CCDC13: variants seen among roughly 807,000 people sequenced by gnomAD.
The protein encoded by CCDC13 is coiled-coil domain containing 13.
Under a neutral mutation model 87.3 loss-of-function variants are expected in CCDC13, and 70 were observed. The ratio of observed to expected loss-of-function variants is 0.80; its 90% CI spans 0.66 to 0.98. The LOEUF is 0.98. Ranked by LOEUF, CCDC13 falls within the 50% of genes least tolerant of loss-of-function variation. The pLI, the probability that CCDC13 is intolerant of heterozygous loss-of-function variation, is 0.00. For synonymous variants in CCDC13, 317 were observed against 360.3 expected (o/e 0.88, Z 1.36); for missense variants, 842 against 892.0 (o/e 0.94, Z 0.71).
At chr3:42,768,765 G>C (rs1269852034) in intron 1 of CCDC13, among the ~76,000 whole-genome samples, 1 of 152,094 alleles carries the variant, frequency 6.6e-6, no homozygotes, top group Non-Finnish European at 1.5e-5. Context: ...AAACCTGCCA[G>C]ACACATATTT....
chr3:42,712,246 C>A (rs1054242767), intron 14 of CCDC13, among the ~76,000 whole-genome samples: 5 of 151,928 alleles, frequency 3.3e-5, no homozygotes, highest in Admixed American at 3.3e-4. Flanking sequence ...GTGGGGGCAG[C>A]AGCACCTCCA....
At position 42,706,540 on chromosome 3, in the gene CCDC13, C is replaced by T. The variant is rs1698184916; in HGVS notation, c.*2440G>A. 1.3e-5 allele frequency: 2 copies of T among 152,332 alleles called. No homozygotes were observed. Among genetic ancestry groups the T allele is most frequent in the African/African-American group, 4.8e-5 (2 of 41,558 alleles). The allele number at this position is 152,332 out of a possible 1,614,324, so 9.4% of individuals were successfully genotyped here. ...TGACAGGCACTCCCGCACATGGCACCACAGCAATGCTGTCAAGGTTGCCCG... is the reference window on the plus strand; with the variant it reads ...TGACAGGCACTCCCGCACATGGCACTACAGCAATGCTGTCAAGGTTGCCCG... On this transcript the variant is annotated 3_prime_UTR_variant, in exon 16 of 16. Transcript: ENST00000310232.
chr3:42,713,452 A>G, intron 13 of CCDC13, 136 bp from the exon 14 acceptor site: 1 of 813,988 alleles, frequency 1.2e-6, no homozygotes. Flanking sequence ...CATTGCAGTA[A>G]CACAGGAACA....
At chr3:42,751,799 A>T in intron 5 of CCDC13, 137 bp downstream of exon 5, 1 of 694,450 alleles carries the variant, frequency 1.4e-6, no homozygotes, top group East Asian at 2.6e-5. Flanking sequence ...AATGGTAGAC[A>T]ATGGGCACCT....
intron 6 of CCDC13, 80 bp downstream of exon 6, chr3:42,747,177 G>A (rs1185938480): frequency 9.6e-7 from 1 of 1,042,102 alleles, no homozygotes; most frequent in African/African-American, 1.6e-5. Flanking sequence ...GCTCCAGAAA[G>A]GAATCCACTG....
intron 9 of CCDC13, among the ~76,000 whole-genome samples, chr3:42,736,808 G>C (rs1441180373): frequency 2.6e-5 from 4 of 152,058 alleles, no homozygotes; most frequent in African/African-American, 9.7e-5. Flanking sequence ...GGCACAACTT[G>C]GAATCTGACA....
intron 4 of CCDC13, 58 bp downstream of exon 4, chr3:42,752,517 T>C: frequency 6.2e-7 from 1 of 1,603,616 alleles, no homozygotes; most frequent in Non-Finnish European, 8.5e-7. Context: ...GCTAGGGAGG[T>C]TCCCTCTTGC....
At position 42,757,058 on chromosome 3, in the gene CCDC13, G is replaced by T; in HGVS notation, c.370+8C>A. ...GGGCAAGGACTATCACAACAATGGTGGAGCTACCTGTGAAGGCAAATCTGT... is the reference window on the plus strand; with the variant it reads ...GGGCAAGGACTATCACAACAATGGTTGAGCTACCTGTGAAGGCAAATCTGT... On this transcript the variant is annotated splice_region_variant and intron_variant, in intron 3 of 15. Transcript: ENST00000310232. 6.2e-7 allele frequency: 1 copy of T among 1,612,778 alleles called. No individual in the cohort carries two copies. Among genetic ancestry groups the T allele is most frequent in the Non-Finnish European group, 8.5e-7 (1 of 1,179,150 alleles).
chr3:42,737,690 C>G (rs905433372), intron 9 of CCDC13, among the ~76,000 whole-genome samples: 3 of 152,222 alleles, frequency 2.0e-5, no homozygotes, highest in African/African-American at 7.2e-5. Flanking sequence ...TTTCAAGTGT[C>G]TGTTGGCTGC....
chr3:42,769,782 G>T (rs2125916620), intron 1 of CCDC13, among the ~76,000 whole-genome samples: 1 of 152,382 alleles, frequency 6.6e-6, no homozygotes, highest in South Asian at 2.1e-4. Flanking sequence ...GGGTGGGTGT[G>T]GGCTCCGCAG....
chr3:42,730,326 A>G (rs963149263), intron 13 of CCDC13, 141 bp downstream of exon 13: 2 of 1,201,372 alleles, frequency 1.7e-6, no homozygotes, highest in African/African-American at 3.1e-5. Flanking sequence ...TGTGGGGCGC[A>G]TGAGTTGTGG....
intron 12 of CCDC13, among the ~76,000 whole-genome samples, chr3:42,730,833 T>C (rs12492886): frequency 0.19 from 29,432 of 152,076 alleles, 3,001 homozygotes; most frequent in South Asian, 0.28. Context: ...GGTACCTCTG[T>C]CCATCCAAGC....
intron 1 of CCDC13, among the ~76,000 whole-genome samples, chr3:42,768,007 G>C (rs1183722369): frequency 6.6e-6 from 1 of 151,516 alleles, no homozygotes; most frequent in Non-Finnish European, 1.5e-5. Flanking sequence ...TAAAATGATA[G>C]TAATTAAGAC....
At chr3:42,735,062 A>C (rs929878523) in intron 10 of CCDC13, among the ~76,000 whole-genome samples, 1 of 152,180 alleles carries the variant, frequency 6.6e-6, no homozygotes, top group Non-Finnish European at 1.5e-5. Context: ...ATGCATAGGG[A>C]GTTAGGAGAG....
chr3:42,770,235 C>A (rs1029806186), intron 1 of CCDC13, among the ~76,000 whole-genome samples: 1 of 152,138 alleles, frequency 6.6e-6, no homozygotes, highest in African/African-American at 2.4e-5. Context: ...CCAATCAGCA[C>A]CCTATGTCTA....
rs995146371 is a variant in CCDC13 at position 42,746,036 on chromosome 3, A to T, written c.721-9T>A. The T allele has an allele frequency of 1.9e-6, 3 of 1,610,404 alleles. No homozygotes were observed. The African/African-American group carries it at 4.0e-5, about 22-fold the overall frequency. ...ACCTCTCTGGCCAAAACCTGAAATA[A>T]GGCAGGGCCTTCAATGTGGCCAAAA... On this transcript the variant is annotated splice_polypyrimidine_tract_variant and intron_variant, in intron 6 of 15. Transcript: ENST00000310232.
At chr3:42,732,718 AT>A in intron 12 of CCDC13, 168 bp downstream of exon 12, 2 of 613,478 alleles carry the variant, frequency 3.3e-6, no homozygotes, top group South Asian at 4.2e-5. Flanking sequence ...TGCTTACTCT[AT>A]CATCTTGGAC....
At chr3:42,753,955 C>T (rs1012752729) in intron 3 of CCDC13, among the ~76,000 whole-genome samples, 7 of 152,050 alleles carry the variant, frequency 4.6e-5, no homozygotes, top group African/African-American at 1.4e-4. Flanking sequence ...AGGCAGGCAC[C>T]GGGAGCTAGT....
At chr3:42,739,566 C>T in intron 9 of CCDC13, 68 bp downstream of exon 9, 1 of 1,533,092 alleles carries the variant, frequency 6.5e-7, no homozygotes, top group Non-Finnish European at 8.8e-7. Context: ...TCACTCTGGC[C>T]ATGGCTGGGG....
Sources: allele counts gnomAD v4.1 joint callset (sites outside exome capture counted in the v4.1 genomes callset), GRCh38; gene constraint gnomAD v4.1.1; transcripts MANE v1.5; gene names NCBI Gene and HGNC (gene_info 2026-07-23, HGNC 2026-07-21).